GALNTL6: variants seen among roughly 807,000 people sequenced by gnomAD.
GALNTL6 encodes the protein polypeptide N-acetylgalactosaminyltransferase-like 6.
Under a neutral mutation model 73.7 loss-of-function variants are expected in GALNTL6, and 46 were observed. That is an observed-to-expected ratio of 0.62 (90% CI 0.49 to 0.80). GALNTL6 has a LOEUF of 0.80. GALNTL6 is among the 30% of genes least tolerant of loss of function. The pLI, the probability that GALNTL6 is intolerant of heterozygous loss-of-function variation, is 0.00. For missense variants in GALNTL6, 604 were observed against 755.0 expected (o/e 0.80, Z 2.34); for synonymous variants, 259 against 263.7 (o/e 0.98, Z 0.17).
At chr4:172,965,580 T>G (rs1348268048) in intron 10 of GALNTL6, among the ~76,000 whole-genome samples, 1 of 149,662 alleles carries the variant, frequency 6.7e-6, no homozygotes, top group Middle Eastern at 3.4e-3. Flanking sequence ...AGACTCTGTC[T>G]CAAAAAAATA....
chr4:172,200,882 G>T (rs1473124973), intron 2 of GALNTL6, among the ~76,000 whole-genome samples: 1 of 152,190 alleles, frequency 6.6e-6, no homozygotes, highest in African/African-American at 2.4e-5. Context: ...ACTCCAAAGT[G>T]TTGCAAAAAT....
chr4:171,929,871 C>G (rs1045115577), intron 2 of GALNTL6, among the ~76,000 whole-genome samples: 2 of 152,230 alleles, frequency 1.3e-5, no homozygotes, highest in Admixed American at 6.5e-5. Context: ...AAACGCGAGA[C>G]AGAGCTGTCT....
chr4:172,226,413 T>C (rs548806202), intron 2 of GALNTL6, among the ~76,000 whole-genome samples: 3 of 152,364 alleles, frequency 2.0e-5, no homozygotes, highest in African/African-American at 7.2e-5. Context: ...ATTTCTTTTT[T>C]ATACATTGTT....
At chr4:172,781,964 T>G (rs1456546754) in intron 5 of GALNTL6, among the ~76,000 whole-genome samples, 2 of 151,524 alleles carry the variant, frequency 1.3e-5, no homozygotes, top group Non-Finnish European at 2.9e-5. Context: ...ATTTAAAACT[T>G]TCTCAAAAAT....
chr4:171,888,765 A>G (rs565587942), intron 2 of GALNTL6, among the ~76,000 whole-genome samples: 1 of 152,222 alleles, frequency 6.6e-6, no homozygotes, highest in African/African-American at 2.4e-5. Flanking sequence ...ATTTAAGCAA[A>G]TAATGCTTCT....
At position 172,822,722 on chromosome 4, in the gene GALNTL6, G is replaced by A. The variant is rs144579255; in HGVS notation, c.923+8999G>A. Among the ~76,000 whole-genome samples, 9 of 152,258 alleles carry A rather than the reference G, an allele frequency of 5.9e-5. No homozygotes were observed. In the East Asian group the frequency reaches 1.7e-3, roughly 29 times the overall value. On this transcript the variant is annotated intron_variant, in intron 7 of 12. Transcript: ENST00000506823. ...CAGCACCACCTAAGACATAGCAATG[G>A]CTGCCTATGTGTTGAACTGTGAAGT...
chr4:172,863,904 G>T (rs1744524753), intron 7 of GALNTL6, among the ~76,000 whole-genome samples: 1 of 152,154 alleles, frequency 6.6e-6, no homozygotes, highest in Non-Finnish European at 1.5e-5. Flanking sequence ...GTCATAGGAG[G>T]GACCCAGTGG....
intron 8 of GALNTL6, among the ~76,000 whole-genome samples, chr4:172,926,221 C>T (rs139621957): frequency 6.6e-6 from 1 of 152,150 alleles, no homozygotes; most frequent in Non-Finnish European, 1.5e-5. Flanking sequence ...GTCTCTTTTA[C>T]TAGTTCACTA....
chr4:172,424,534 G>A (rs1561076949), intron 5 of GALNTL6, among the ~76,000 whole-genome samples: 2 of 152,150 alleles, frequency 1.3e-5, no homozygotes, highest in African/African-American at 2.4e-5. Context: ...CGATTTAAAT[G>A]TAATAGAAAT....
intron 3 of GALNTL6, among the ~76,000 whole-genome samples, chr4:172,237,363 G>T (rs572991181): frequency 6.6e-6 from 1 of 152,168 alleles, no homozygotes; most frequent in South Asian, 2.1e-4. Context: ...GAGTGATGTT[G>T]AACATTTTTT....
intron 5 of GALNTL6, among the ~76,000 whole-genome samples, chr4:172,410,238 C>CT (rs1744381772): frequency 6.6e-6 from 1 of 151,786 alleles, no homozygotes; most frequent in Admixed American, 6.6e-5. Context: ...ACTTAATTTA[C>CT]TTTTTGGTTG....
chr4:172,334,653 T>C (rs1466634087), intron 4 of GALNTL6, among the ~76,000 whole-genome samples: 1 of 152,220 alleles, frequency 6.6e-6, no homozygotes, highest in Non-Finnish European at 1.5e-5. Flanking sequence ...TCTAGACATG[T>C]AATCATGTCA....
intron 8 of GALNTL6, among the ~76,000 whole-genome samples, chr4:172,901,520 T>C (rs1746629064): frequency 6.6e-6 from 1 of 152,176 alleles, no homozygotes; most frequent in Non-Finnish European, 1.5e-5. Context: ...ACTAGCCGAT[T>C]TTAGGCCATA....
intron 5 of GALNTL6, among the ~76,000 whole-genome samples, chr4:172,754,600 G>C (rs1737633795): frequency 6.6e-6 from 1 of 152,032 alleles, no homozygotes; most frequent in East Asian, 1.9e-4. Context: ...AACAGATTTT[G>C]ATCTTGGTGC....
intron 2 of GALNTL6, among the ~76,000 whole-genome samples, chr4:172,075,288 T>C (rs958351486): frequency 1.3e-5 from 2 of 152,220 alleles, no homozygotes; most frequent in African/African-American, 4.8e-5. Context: ...TCTTGCTTTC[T>C]TTTTTCTTAC....
At chr4:172,946,124 CGTGT>C (rs71594019) in intron 9 of GALNTL6, among the ~76,000 whole-genome samples, 238 of 148,510 alleles carry the variant, frequency 1.6e-3, no homozygotes, top group South Asian at 3.0e-3. Flanking sequence ...GGGGAAAAAG[CGTGT>C]GTGTGTGTGT....
chr4:172,082,690 A>G (rs1731914479), intron 2 of GALNTL6, among the ~76,000 whole-genome samples: 1 of 152,190 alleles, frequency 6.6e-6, no homozygotes, highest in Non-Finnish European at 1.5e-5. Context: ...GATGTTAAAT[A>G]GGAGAACACA....
At chr4:172,694,225 C>T (rs959582407) in intron 5 of GALNTL6, among the ~76,000 whole-genome samples, 1 of 151,894 alleles carries the variant, frequency 6.6e-6, no homozygotes, top group Non-Finnish European at 1.5e-5. Context: ...TTGCTGCACC[C>T]ATCAACCCAT....
At chr4:172,920,435 T>C (rs965253860) in intron 8 of GALNTL6, among the ~76,000 whole-genome samples, 9 of 152,184 alleles carry the variant, frequency 5.9e-5, no homozygotes, top group African/African-American at 1.9e-4. Context: ...TCAAAATCTA[T>C]ATCCCAAAGC....
Sources: allele counts gnomAD v4.1 joint callset (sites outside exome capture counted in the v4.1 genomes callset), GRCh38; gene constraint gnomAD v4.1.1; transcripts MANE v1.5; gene names NCBI Gene and HGNC (gene_info 2026-07-23, HGNC 2026-07-21).